ATP13A3: variants seen among roughly 807,000 people sequenced by gnomAD.
ATP13A3 encodes the protein ATPase 13A3, also known as polyamine-transporting ATPase 13A3.
A neutral mutation model predicts 158.1 loss-of-function variants in ATP13A3; 59 were observed. The ratio of observed to expected loss-of-function variants is 0.37; its 90% confidence interval spans 0.30 to 0.46. The LOEUF (loss-of-function observed/expected upper bound fraction) is 0.46, where lower values mean the gene tolerates loss of function less well. Among genes scored for constraint, ATP13A3 ranks in the 20% least tolerant of loss-of-function variants. The probability of loss-of-function intolerance (pLI) is 1.00; values close to 1 mark genes in which losing one functional copy is unlikely to be tolerated. For missense variants in ATP13A3, 1,166 were observed against 1,525.2 expected, an observed-to-expected ratio of 0.76 and a Z score of 3.92; for synonymous variants, 491 against 504.3, an observed-to-expected ratio of 0.97 and a Z score of 0.35.
intron 2 of ATP13A3, among the ~76,000 whole-genome samples, chr3:194,465,302 G>A (rs1036067114): frequency 2.0e-5 from 3 of 152,144 alleles, no homozygotes; most frequent in African/African-American, 7.2e-5. Context: ...AAGCACCAAA[G>A]CAATGAGGTT....
In ATP13A3 at chr3:194,471,118, T is replaced by C. The variant is rs564743000; in HGVS notation, c.-46-8882A>G. The stretch of plus-strand genomic sequence containing the variant: ...GCATGGCCAACCCTGAGTTCTAAAC[T>C]TGTAGGAACCTTTGAAGCACATCAT... On this transcript the variant is annotated intron_variant, in intron 2 of 33. Coordinates refer to ENST00000645319, the MANE Select transcript of ATP13A3 (RefSeq NM_001367549.1). Among the ~76,000 whole-genome samples, 3 of 152,134 alleles carry C rather than the reference T, an allele frequency of 2.0e-5. No homozygotes were observed. The South Asian group carries it at 6.2e-4, about 32-fold the overall frequency.
Position 194,448,444 on chromosome 3 carries a change from A to C in ATP13A3, c.1150+13T>G, listed in dbSNP as rs774268725. 1.2e-6 allele frequency: 2 copies of C among 1,608,492 alleles called. No individual in the cohort carries two copies. The highest frequency in any genetic ancestry group is 2.2e-5 in the South Asian group (2 of 90,862). On this transcript the variant is annotated intron_variant, in intron 12 of 33. Coordinates refer to ENST00000645319, the MANE Select transcript of ATP13A3 (RefSeq NM_001367549.1). The surrounding 1 kb of genome is among the most constrained non-coding windows in gnomAD (Gnocchi z 4.0). The stretch of plus-strand genomic sequence containing the variant: ...GAAACATGCAAAAAGAGATTAATTA[A>C]GATGTTTCCTACCTGTTCTAACAAC...
At chr3:194,480,148 C>G (rs536544160) in intron 2 of ATP13A3, among the ~76,000 whole-genome samples, 1 of 152,170 alleles carries the variant, frequency 6.6e-6, no homozygotes, top group Non-Finnish European at 1.5e-5. Flanking sequence ...CACTCAGACT[C>G]TTATCCTTAC....
chr3:194,456,111 C>A, intron 7 of ATP13A3, 149 bp from the exon 8 acceptor site: 1 of 490,844 alleles, frequency 2.0e-6, no homozygotes, highest in Non-Finnish European at 3.6e-6. Context: ...TCTCTACCTA[C>A]AGAATTTAAA....
At chr3:194,431,619 T>C (rs1479142953) in intron 22 of ATP13A3, 98 bp downstream of exon 22, 1 of 1,214,870 alleles carries the variant, frequency 8.2e-7, no homozygotes, top group Admixed American at 3.5e-5. Flanking sequence ...TTTCATTTAG[T>C]TTTTGCTTTA....
intron 33 of ATP13A3, among the ~76,000 whole-genome samples, chr3:194,406,745 G>A (rs983687157): frequency 3.9e-5 from 6 of 152,156 alleles, no homozygotes; most frequent in Non-Finnish European, 8.8e-5. Context: ...CCTTGTTACT[G>A]TTAATATCAT....
At chr3:194,465,408 C>G (rs1300377660) in intron 2 of ATP13A3, among the ~76,000 whole-genome samples, 4 of 152,172 alleles carry the variant, frequency 2.6e-5, no homozygotes, top group East Asian at 3.9e-4. Context: ...TACCGCTCAG[C>G]ACTTGTGTGT....
chr3:194,465,254 T>C (rs974060620), intron 2 of ATP13A3, among the ~76,000 whole-genome samples: 1 of 152,072 alleles, frequency 6.6e-6, no homozygotes, highest in African/African-American at 2.4e-5. Flanking sequence ...AGCCCAGCAG[T>C]TTCCCTGAGT....
intron 33 of ATP13A3, among the ~76,000 whole-genome samples, chr3:194,410,295 G>GAAAA (rs1175574544): frequency 4.8e-3 from 11 of 2,288 alleles, no homozygotes; most frequent in Non-Finnish European, 0.027. Context: ...CCTCCTCTCT[G>GAAAA]CAAAAAAAAA....
At chr3:194,421,843 G>A (rs1051818869) in intron 30 of ATP13A3, among the ~76,000 whole-genome samples, 2 of 149,614 alleles carry the variant, frequency 1.3e-5, no homozygotes, top group South Asian at 2.1e-4. Context: ...GAAATTCAAT[G>A]AAGTAATAAG....
In ATP13A3 at chr3:194,425,383, A is replaced by T; in HGVS notation, c.3272T>A (p.Phe1091Tyr). 1.2e-6 allele frequency: 2 copies of T among 1,612,074 alleles called. No individual in the cohort carries two copies. Among genetic ancestry groups the T allele is most frequent in the South Asian group, 1.1e-5 (1 of 90,244 alleles). Reference protein sequence around the residue: ...SFQYLIVAIAFSKGKPFRQPC... With the variant: ...SFQYLIVAIAYSKGKPFRQPC... ...TTGCCTGAAGGGTTTTCCTTTTGAA[A>T]AGGCAATTGCCACTATGAGGTACTG... is the stretch of plus-strand genomic sequence containing the variant. The change falls in exon 30 of 34, where the codon TTT (phenylalanine) becomes TAT (tyrosine). Residue 1091 changes from phenylalanine (F) to tyrosine (Y), a missense_variant. By Grantham distance (22) the Phe-to-Tyr change is conservative. This residue lies in a region of ATP13A3 where 997 missense variants were observed against 1,341.2 expected (regional missense o/e 0.74). Coordinates refer to ENST00000645319, the MANE Select transcript of ATP13A3 (RefSeq NM_001367549.1).
chr3:194,417,527 C>T (rs1715951805), intron 31 of ATP13A3, among the ~76,000 whole-genome samples: 1 of 151,816 alleles, frequency 6.6e-6, no homozygotes, highest in African/African-American at 2.4e-5. Context: ...GAGTCCTACC[C>T]AAGCATGTAT....
intron 20 of ATP13A3, 61 bp from the exon 21 acceptor site, chr3:194,433,957 C>T: frequency 1.3e-6 from 2 of 1,495,892 alleles, no homozygotes; most frequent in East Asian, 2.3e-5. Flanking sequence ...AACTTATGTA[C>T]ACAAACTTGA....
intron 16 of ATP13A3, among the ~76,000 whole-genome samples, chr3:194,440,063 G>A (rs1360610126): frequency 6.6e-6 from 1 of 152,142 alleles, no homozygotes; most frequent in Non-Finnish European, 1.5e-5. Context: ...AATGTGGGTA[G>A]GGAGGGAGGG....
chr3:194,476,780 T>TTTTTC (rs1015955145), intron 2 of ATP13A3, among the ~76,000 whole-genome samples: 2,380 of 151,544 alleles, frequency 0.016, 69 homozygotes, highest in African/African-American at 0.055. Flanking sequence ...TTTTTTTTTT[T>TTTTTC]CAAAACAATT....
rs187901771 is a variant in ATP13A3, at chr3:194,454,600, G to A, written c.631-208C>T. On this transcript the variant is annotated intron_variant, in intron 8 of 33. Transcript: ENST00000645319. ...TCCCAGCACTTTGGGAGGCCAAGGCGGGCGGATCATGAGGTCAGGAGATCA... is the reference window on the plus strand; with the variant it reads ...TCCCAGCACTTTGGGAGGCCAAGGCAGGCGGATCATGAGGTCAGGAGATCA... 4.0e-5 allele frequency among the ~76,000 whole-genome samples: 6 copies of A among 149,628 alleles called. No homozygotes were observed. In the East Asian group the frequency reaches 6.0e-4, roughly 15 times the overall value.
intron 2 of ATP13A3, among the ~76,000 whole-genome samples, chr3:194,470,192 C>G (rs1720240764): frequency 6.6e-6 from 1 of 152,148 alleles, no homozygotes; most frequent in Non-Finnish European, 1.5e-5. Flanking sequence ...GCTTTTGTTT[C>G]TGTGTTTAGG....
At chr3:194,487,052 C>A (rs1485327797), upstream of ATP13A3, 1 of 144,586 alleles carries the variant, frequency 6.9e-6, no homozygotes, top group African/African-American at 2.5e-5. Context: ...GCGCGGAGGG[C>A]GGAGGGGCGC....
At chr3:194,433,996 A>G in intron 20 of ATP13A3, 100 bp from the exon 21 acceptor site, 1 of 1,247,054 alleles carries the variant, frequency 8.0e-7, no homozygotes, top group Non-Finnish European at 1.1e-6. Flanking sequence ...AATGTCTATA[A>G]GTTATAATGC....
Sources: gnomAD v4.1 joint callset for allele counts (sites outside exome capture counted in the v4.1 genomes callset) on GRCh38, gnomAD v4.1.1 for gene constraint, gnomAD v4.1.1 regional missense constraint, Gnocchi (gnomAD v3.1) non-coding constraint, MANE v1.5 for transcripts, NCBI Gene and HGNC (gene_info 2026-07-23, HGNC 2026-07-21) for gene names.